The following NEK10 variants were observed in gnomAD, a reference collection of about 807,000 sequenced individuals.
NEK10 encodes serine/threonine-protein kinase Nek10.
NEK10 carries 122 observed loss-of-function variants against 159.8 expected under a neutral mutation model. The ratio of observed to expected loss-of-function variants is 0.76; its 90% CI spans 0.66 to 0.89. The LOEUF (loss-of-function observed/expected upper bound fraction) is 0.89. Among genes scored for constraint, NEK10 ranks in the 40% least tolerant of loss-of-function variants. The probability of loss-of-function intolerance (pLI) is 0.00; values close to 1 mark genes in which losing one functional copy is unlikely to be tolerated. For missense variants in NEK10, 1,342 were observed against 1,323.1 expected (o/e 1.01, Z -0.22); for synonymous variants, 466 against 457.1 (o/e 1.02, Z -0.25).
intron 23 of NEK10, among the ~76,000 whole-genome samples, chr3:27,251,705 A>G (rs775977977): frequency 1.2e-3 from 177 of 152,330 alleles, no homozygotes; most frequent in Non-Finnish European, 1.9e-3. Context: ...GAACGATCTA[A>G]CACATCTCTT....
chr3:27,314,571 C>G (rs1182564766), intron 6 of NEK10, among the ~76,000 whole-genome samples: 1 of 152,136 alleles, frequency 6.6e-6, no homozygotes, highest in East Asian at 1.9e-4. Flanking sequence ...TGCTCAGAAC[C>G]GCAGCCTGCC....
At chr3:27,266,762 G>T (rs2040928861) in intron 22 of NEK10, among the ~76,000 whole-genome samples, 1 of 152,194 alleles carries the variant, frequency 6.6e-6, no homozygotes, top group African/African-American at 2.4e-5. Context: ...TCAGTAGAGG[G>T]TGTGCTGAAG....
intron 32 of NEK10, among the ~76,000 whole-genome samples, chr3:27,128,241 C>T (rs1339581560): frequency 6.6e-6 from 1 of 152,162 alleles, no homozygotes; most frequent in Non-Finnish European, 1.5e-5. Flanking sequence ...AATGATTGGC[C>T]TGAGGGCTGT....
intron 25 of NEK10, among the ~76,000 whole-genome samples, chr3:27,198,179 A>G (rs1412123398): frequency 6.6e-6 from 1 of 152,224 alleles, no homozygotes; most frequent in Non-Finnish European, 1.5e-5. Flanking sequence ...GAAAGAATCA[A>G]TACCATTAAA....
intron 30 of NEK10, among the ~76,000 whole-genome samples, chr3:27,146,740 T>A (rs924841318): frequency 2.0e-5 from 3 of 152,142 alleles, no homozygotes; most frequent in African/African-American, 7.2e-5. Context: ...AATTCAAATG[T>A]TAATTTGAGA....
At chr3:27,314,802 C>G (rs755098527) in intron 6 of NEK10, among the ~76,000 whole-genome samples, 1 of 152,200 alleles carries the variant, frequency 6.6e-6, no homozygotes, top group Non-Finnish European at 1.5e-5. Flanking sequence ...CAGCAGCACC[C>G]TCATTACCTG....
chr3:27,204,315 T>TGTTTTTTGTTTTGTTTTG (rs752436375), intron 23 of NEK10, among the ~76,000 whole-genome samples: 7 of 113,176 alleles, frequency 6.2e-5, no homozygotes, highest in Admixed American at 1.1e-4. Flanking sequence ...TTTTTTTTTT[T>TGTTTTTTGTTTTGTTTTG]TTTTTTATTA....
At chr3:27,266,284 AT>A (rs542362850) in intron 22 of NEK10, among the ~76,000 whole-genome samples, 2 of 152,066 alleles carry the variant, frequency 1.3e-5, no homozygotes, top group Non-Finnish European at 2.9e-5. Context: ...GACTATATCC[AT>A]TTTTTTCTTC....
intron 32 of NEK10, among the ~76,000 whole-genome samples, chr3:27,127,766 A>G (rs1421837823): frequency 6.6e-6 from 1 of 152,106 alleles, no homozygotes; most frequent in Non-Finnish European, 1.5e-5. Context: ...TAGAGTTTCT[A>G]TGTTTAAGTC....
intron 7 of NEK10, among the ~76,000 whole-genome samples, chr3:27,313,257 C>A (rs1375861588): frequency 6.7e-6 from 1 of 148,744 alleles, no homozygotes; most frequent in East Asian, 1.9e-4. Flanking sequence ...AAAGTGAGAC[C>A]CTATCTCAAA....
At chr3:27,173,903 G>A (rs1411433771) in intron 28 of NEK10, among the ~76,000 whole-genome samples, 1 of 151,670 alleles carries the variant, frequency 6.6e-6, no homozygotes, top group Non-Finnish European at 1.5e-5. Flanking sequence ...ATCCCAGTAT[G>A]ACTATTTTCT....
chr3:27,357,277 A>T (rs1422537889), intron 1 of NEK10, among the ~76,000 whole-genome samples: 1 of 152,224 alleles, frequency 6.6e-6, no homozygotes, highest in Non-Finnish European at 1.5e-5. Context: ...TATTGAATGC[A>T]ATGCCTAATA....
chr3:27,316,323 G>A (rs569823388), intron 6 of NEK10, among the ~76,000 whole-genome samples: 1 of 152,274 alleles, frequency 6.6e-6, no homozygotes, highest in East Asian at 1.9e-4. Context: ...ATGATCAACG[G>A]AACATGAAGA....
intron 1 of NEK10, among the ~76,000 whole-genome samples, chr3:27,353,256 T>C (rs1402617901): frequency 6.6e-6 from 1 of 152,220 alleles, no homozygotes; most frequent in Admixed American, 6.5e-5. Context: ...AAGATGCCCA[T>C]ATTTTCAATT....
At position 27,191,910 on chromosome 3, in the gene NEK10, T is replaced by C. The variant is rs60334629; in HGVS notation, c.2505+119A>G. The C allele has an allele frequency of 0.026, 18,979 of 729,694 alleles. 2,538 individuals carry two copies. In the African/African-American group the frequency reaches 0.29, roughly 11 times the overall value. The allele number at this position is 729,694 out of a possible 1,614,324, so 45.2% of individuals were successfully genotyped here. A position where few individuals can be genotyped will look rare whatever the true frequency, so the allele number is the denominator to read the frequency against. ...GGATATAAATATGTAACTATACTAC[T>C]GCAATATTGCATGTAACTATTTTTC... On this transcript the variant is annotated intron_variant, in intron 26 of 35. Coordinates refer to ENST00000691995, the MANE Select transcript of NEK10 (RefSeq NM_001394966.1).
intron 23 of NEK10, among the ~76,000 whole-genome samples, chr3:27,224,335 T>G (rs757486777): frequency 1.3e-5 from 2 of 152,234 alleles, no homozygotes; most frequent in Admixed American, 6.5e-5. Flanking sequence ...GTGAGAGCTG[T>G]AGCAGCTTCT....
At chr3:27,334,570 A>C (rs1023307924) in intron 5 of NEK10, among the ~76,000 whole-genome samples, 6 of 151,950 alleles carry the variant, frequency 3.9e-5, no homozygotes, top group Admixed American at 6.6e-5. Context: ...CCAAAACTAC[A>C]CCCCAGCCTC....
At chr3:27,170,174 A>G (rs1946825750) in intron 29 of NEK10, among the ~76,000 whole-genome samples, 1 of 152,156 alleles carries the variant, frequency 6.6e-6, no homozygotes, top group East Asian at 1.9e-4. Flanking sequence ...GCTATAGCAC[A>G]TCGCAGCCTT....
At chr3:27,240,567 C>T (rs1954433337) in intron 23 of NEK10, among the ~76,000 whole-genome samples, 2 of 151,902 alleles carry the variant, frequency 1.3e-5, no homozygotes, top group South Asian at 4.1e-4. Context: ...TCCATGTAAA[C>T]ATTTGATAGT....
Sources: allele counts gnomAD v4.1 joint callset (sites outside exome capture counted in the v4.1 genomes callset), GRCh38; gene constraint gnomAD v4.1.1; transcripts MANE v1.5; gene names NCBI Gene and HGNC (gene_info 2026-07-23, HGNC 2026-07-21).